The following GGT5 variants were observed in gnomAD, a reference collection of about 807,000 sequenced individuals.
GGT5 encodes the protein glutathione hydrolase 5 proenzyme.
Under a neutral mutation model 58.1 loss-of-function variants are expected in GGT5, and 50 were observed. The ratio of observed to expected loss-of-function variants is 0.86; its 90% CI spans 0.69 to 1.09. The LOEUF (loss-of-function observed/expected upper bound fraction) is 1.09. Among genes scored for constraint, GGT5 ranks in the 50% least tolerant of loss-of-function variants. The probability of loss-of-function intolerance (pLI) is 0.00; values close to 1 mark genes in which losing one functional copy is unlikely to be tolerated. For synonymous variants in GGT5, 370 were observed against 346.1 expected (o/e 1.07, Z -0.77); for missense variants, 800 against 789.4 (o/e 1.01, Z -0.16).
intron 11 of GGT5, among the ~76,000 whole-genome samples, chr22:24,222,326 G>A (rs2047614594): frequency 6.6e-6 from 1 of 152,216 alleles, no homozygotes; most frequent in Admixed American, 6.5e-5. Flanking sequence ...GGCAAATGAG[G>A]TCTTTGGAGC....
In GGT5 at chr22:24,233,609, G is replaced by C; in HGVS notation, c.305-16C>G. The C allele has an allele frequency of 6.6e-7, 1 of 1,522,210 alleles. No homozygotes were observed. The highest frequency in any genetic ancestry group is 9.0e-7 in the Non-Finnish European group (1 of 1,108,372). 94.3% of individuals were successfully genotyped at this position (1,522,210 alleles called of 1,614,324 possible). A position where few individuals can be genotyped will look rare whatever the true frequency, so the allele number is the denominator to read the frequency against. Reference sequence around the variant, plus strand: ...TCCACCTTCCCTGGAGTAGGGCAGGGCAGGTGAGTGGTCATGGACCCTGCA... The same window carrying C: ...TCCACCTTCCCTGGAGTAGGGCAGGCCAGGTGAGTGGTCATGGACCCTGCA... On this transcript the variant is annotated splice_polypyrimidine_tract_variant and intron_variant, in intron 2 of 11. Transcript: ENST00000327365.
intron 1 of GGT5, among the ~76,000 whole-genome samples, chr22:24,236,557 ATTG>A (rs2048101485): frequency 1.3e-5 from 2 of 152,170 alleles, no homozygotes; most frequent in Non-Finnish European, 2.9e-5. Flanking sequence ...AGGTCAGGAG[ATTG>A]AGACCATCCT....
At chr22:24,244,379 C>T (rs1393061981) in intron 1 of GGT5, 174 bp downstream of exon 1, 7 of 636,322 alleles carry the variant, frequency 1.1e-5, no homozygotes, top group Admixed American at 2.8e-5. Context: ...ACACTCCCCA[C>T]ACTCACACTC....
At chr22:24,239,344 A>T (rs1257277175) in intron 1 of GGT5, among the ~76,000 whole-genome samples, 2 of 152,056 alleles carry the variant, frequency 1.3e-5, no homozygotes, top group South Asian at 2.1e-4. Flanking sequence ...GTCTCAAAAA[A>T]AAAAGGGTAA....
At chr22:24,227,453 G>C (rs1228388711) in intron 6 of GGT5, among the ~76,000 whole-genome samples, 1 of 151,576 alleles carries the variant, frequency 6.6e-6, no homozygotes, top group African/African-American at 2.4e-5. Context: ...TACTGTGTTG[G>C]CCAGGCTGGT....
Position 24,232,920 on chromosome 22 carries a change from T to C in GGT5, c.499A>G (p.Ile167Val). 6 of 1,578,694 alleles carry C rather than the reference T, an allele frequency of 3.8e-6. No homozygotes were observed. The highest frequency in any genetic ancestry group is 5.2e-6 in the Non-Finnish European group (6 of 1,162,128). Residue 167 changes from isoleucine (I) to valine (V), a missense_variant, in exon 4 of 12, where the codon ATC becomes GTC. Coordinates refer to ENST00000327365, the MANE Select transcript of GGT5 (RefSeq NM_004121.5). ...ACATGCCCCCCTCGGAGCAGCGCGA[T>C]GGTGGGCTGGAACAGCTGCGCCCAG... ...LPWAQLFQPT[I>V]ALLRGGHVVA...
chr22:24,226,135 A>T lies in GGT5; in HGVS notation c.1170T>A (p.His390Gln). The T allele has an allele frequency of 4.3e-6, 7 of 1,611,022 alleles. No individual in the cohort carries two copies. Among genetic ancestry groups the T allele is most frequent in the Non-Finnish European group, 5.9e-6 (7 of 1,179,442 alleles). The change falls in exon 8 of 12, where the codon CAT becomes CAA. Residue 390 changes from histidine (H) to glutamine (Q), a missense_variant. Transcript: ENST00000327365. Reference sequence around the variant, plus strand: ...TGCCATCCTCCCCCAGCACAGACACATGGGACGTGCCTGTCCCGTGGCCCC... The same window carrying T: ...TGCCATCCTCCCCCAGCACAGACACTTGGGACGTGCCTGTCCCGTGGCCCC... ...EAWGHGTGTSHVSVLGEDGSA... is the reference protein window; with the variant it reads ...EAWGHGTGTSQVSVLGEDGSA...
rs1423371327 is a variant in GGT5, at chr22:24,233,456, T to A, written c.400+42A>T. ...GCGGGGGTGTTCTGATTAGTCCTAG[T>A]GGCCTGGGGGGTGGGAGTGGGGGAC... On this transcript the variant is annotated intron_variant, in intron 3 of 11. Coordinates refer to ENST00000327365, the MANE Select transcript of GGT5 (RefSeq NM_004121.5). The A allele has an allele frequency of 4.4e-6, 5 of 1,138,524 alleles. No homozygotes were observed. The African/African-American group carries it at 6.1e-5, about 14-fold the overall frequency. 70.5% of individuals were successfully genotyped at this position (1,138,524 alleles called of 1,614,324 possible). A position where few individuals can be genotyped will look rare whatever the true frequency, so the allele number is the denominator to read the frequency against.
In GGT5 at chr22:24,219,827, G is replaced by T; in HGVS notation, c.*143C>A. 2.7e-6 allele frequency: 2 copies of T among 750,570 alleles called. No homozygotes were observed. Among genetic ancestry groups the T allele is most frequent in the Non-Finnish European group, 2.2e-6 (1 of 464,038 alleles). 46.5% of individuals were successfully genotyped at this position (750,570 alleles called of 1,614,324 possible). A position where few individuals can be genotyped will look rare whatever the true frequency, so the allele number is the denominator to read the frequency against. On this transcript the variant is annotated 3_prime_UTR_variant, in exon 12 of 12. Transcript: ENST00000327365. ...GCTCAGCCTCTCATCTGCCCAGCTGGTCCCCGCCACCTCTTCCACTCTCAG... is the reference window on the plus strand; with the variant it reads ...GCTCAGCCTCTCATCTGCCCAGCTGTTCCCCGCCACCTCTTCCACTCTCAG...
chr22:24,241,208 C>T (rs537400698), intron 1 of GGT5: 2 of 147,768 alleles, frequency 1.4e-5, no homozygotes, highest in South Asian at 2.2e-4. Context: ...TTCAGTATTA[C>T]TTAACATCCA....
In GGT5 at chr22:24,244,552, C is replaced by T; in HGVS notation, c.173+1G>A. ...CCAGCTTCCTCCCACGTCTCACTCA[C>T]CGTCCAATATCCGAGCAGACCTTGG... On this transcript the variant is annotated splice_donor_variant, in intron 1 of 11. Coordinates refer to ENST00000327365, the MANE Select transcript of GGT5 (RefSeq NM_004121.5). LOFTEE classifies it high-confidence loss of function. 2 of 1,610,058 alleles carry T rather than the reference C, an allele frequency of 1.2e-6. No homozygotes were observed. The highest frequency in any genetic ancestry group is 1.1e-5 in the South Asian group (1 of 90,970).
At position 24,232,055 on chromosome 22, in the gene GGT5, C is replaced by T. The variant is rs2047958072; in HGVS notation, c.750G>A (p.Lys250=). The change falls in exon 5 of 12, where the codon AAG becomes AAA. Residue 250 remains lysine (K), a synonymous_variant. Coordinates refer to ENST00000327365, the MANE Select transcript of GGT5 (RefSeq NM_004121.5). ...TGGAACCTCAGGGAGGCTGACCTTCCTTGGCAATGTCCTCCACCAGCATCT... is the reference window on the plus strand; with the variant it reads ...TGGAACCTCAGGGAGGCTGACCTTCTTTGGCAATGTCCTCCACCAGCATCT... ...LGQMLVEDIA[K]EGSQLTLQDL... is the part of the protein sequence containing the mutation. The T allele has an allele frequency of 6.2e-7, 1 of 1,613,212 alleles. No homozygotes were observed. The highest frequency in any genetic ancestry group is 1.3e-5 in the African/African-American group (1 of 75,038).
chr22:24,220,673 A>G (rs375575559), intron 11 of GGT5: 198 of 455,518 alleles, frequency 4.3e-4, no homozygotes, highest in African/African-American at 3.5e-3. Flanking sequence ...AGGTGGCAGG[A>G]TCACTTGAGG....
chr22:24,228,969 A>G (rs2047858273), intron 6 of GGT5, among the ~76,000 whole-genome samples: 1 of 151,790 alleles, frequency 6.6e-6, no homozygotes. Flanking sequence ...ACACATGGGT[A>G]GTCCTAGCTA....
chr22:24,232,409 G>A (rs1481439754), intron 4 of GGT5, among the ~76,000 whole-genome samples: 1 of 152,160 alleles, frequency 6.6e-6, no homozygotes, highest in African/African-American at 2.4e-5. Context: ...TCATGGCCCT[G>A]GTCCAGGGAA....
At chr22:24,233,360 G>C in intron 3 of GGT5, 138 bp downstream of exon 3, 1 of 582,332 alleles carries the variant, frequency 1.7e-6, no homozygotes, top group Non-Finnish European at 3.0e-6. Context: ...GTTGGGGCTG[G>C]GGGTTCCCCA....
chr22:24,239,215 T>C (rs924283094), intron 1 of GGT5, among the ~76,000 whole-genome samples: 1 of 150,812 alleles, frequency 6.6e-6, no homozygotes, highest in Non-Finnish European at 1.5e-5. Context: ...GGCGGGTGAC[T>C]GTAGTCCCAG....
intron 1 of GGT5, among the ~76,000 whole-genome samples, chr22:24,235,574 CA>C (rs1265724279): frequency 2.0e-5 from 3 of 152,198 alleles, no homozygotes; most frequent in Non-Finnish European, 4.4e-5. Context: ...CACACATGGG[CA>C]CCACAGGGAC....
chr22:24,237,411 A>G (rs1453168102), intron 1 of GGT5, among the ~76,000 whole-genome samples: 1 of 151,858 alleles, frequency 6.6e-6, no homozygotes, highest in Non-Finnish European at 1.5e-5. Context: ...TTTTATATTT[A>G]TTTATTTATT....
Sources: allele counts gnomAD v4.1 joint callset (sites outside exome capture counted in the v4.1 genomes callset), GRCh38; gene constraint gnomAD v4.1.1; transcripts MANE v1.5; gene names NCBI Gene and HGNC (gene_info 2026-07-23, HGNC 2026-07-21).